The following B4GALT5 variants were observed in gnomAD, a reference collection of about 807,000 sequenced individuals.
B4GALT5 encodes UDP-Gal:beta-GlcNAc beta-1,4-galactosyltransferase 5.
B4GALT5 carries 11 observed loss-of-function variants against 45.0 expected under a neutral mutation model. The observed-to-expected ratio is 0.24, with a 90% CI of 0.15 to 0.40. The LOEUF is 0.40. Ranked by LOEUF, B4GALT5 falls within the 10% of genes least tolerant of loss-of-function variation. The pLI, the probability that B4GALT5 is intolerant of heterozygous loss-of-function variation, is 1.00. For missense variants in B4GALT5, 337 were observed against 500.2 expected (o/e 0.67, Z 3.11); for synonymous variants, 185 against 182.9 (o/e 1.01, Z -0.09).
intron 2 of B4GALT5, among the ~76,000 whole-genome samples, chr20:49,649,528 A>G (rs2085612483): frequency 6.6e-6 from 1 of 152,080 alleles, no homozygotes; most frequent in African/African-American, 2.4e-5. Context: ...TCCGGTGGGC[A>G]ATGATCACAC....
chr20:49,688,408 C>T (rs539707290), intron 1 of B4GALT5, among the ~76,000 whole-genome samples: 17 of 152,152 alleles, frequency 1.1e-4, no homozygotes, highest in Admixed American at 4.6e-4. Flanking sequence ...GCCAGAACTC[C>T]TGCAGGGTAC....
In B4GALT5 at chr20:49,656,490, A is replaced by G. The variant is rs553450523; in HGVS notation, c.250+78T>C. ...CTTTTACAATGCGCTTTTCCCATTG[A>G]AAATAATTATTGCAACCGAATTTAC... is the stretch of plus-strand genomic sequence containing the variant. On this transcript the variant is annotated intron_variant, in intron 2 of 8. Coordinates refer to ENST00000371711, the MANE Select transcript of B4GALT5 (RefSeq NM_004776.4). 1.1e-5 allele frequency: 17 copies of G among 1,565,018 alleles called. No homozygotes were observed. In the African/African-American group the frequency reaches 1.9e-4, roughly 17 times the overall value.
At chr20:49,696,442 G>A (rs2085839874) in intron 1 of B4GALT5, among the ~76,000 whole-genome samples, 1 of 152,008 alleles carries the variant, frequency 6.6e-6, no homozygotes, top group Admixed American at 6.6e-5. Flanking sequence ...CCACATTATC[G>A]GTAAAGACAG....
At chr20:49,657,734 T>G (rs778342010) in intron 1 of B4GALT5, among the ~76,000 whole-genome samples, 1 of 152,162 alleles carries the variant, frequency 6.6e-6, no homozygotes, top group African/African-American at 2.4e-5. Flanking sequence ...ACATCTGGCC[T>G]TGGGATGTGG....
intron 1 of B4GALT5, among the ~76,000 whole-genome samples, chr20:49,707,511 A>G (rs1005829884): frequency 2.1e-5 from 3 of 145,852 alleles, no homozygotes; most frequent in Admixed American, 1.4e-4. Context: ...TCATGTCAAG[A>G]AAAAAAAAAG....
At chr20:49,656,956 T>C (rs1279676809) in intron 1 of B4GALT5, among the ~76,000 whole-genome samples, 2 of 152,078 alleles carry the variant, frequency 1.3e-5, no homozygotes, top group Non-Finnish European at 2.9e-5. Flanking sequence ...TAAAAAAAAA[T>C]ATATTCCATC....
At chr20:49,638,922 T>C (rs1202327776) in intron 7 of B4GALT5, among the ~76,000 whole-genome samples, 1 of 147,280 alleles carries the variant, frequency 6.8e-6, no homozygotes, top group East Asian at 2.0e-4. Flanking sequence ...CTTAAGATCC[T>C]GTTTACAGAG....
chr20:49,702,048 G>A (rs1385725362), intron 1 of B4GALT5, among the ~76,000 whole-genome samples: 2 of 152,184 alleles, frequency 1.3e-5, no homozygotes, highest in Admixed American at 6.5e-5. Flanking sequence ...CTGGGTGACA[G>A]TAAGATTCCA....
At chr20:49,713,001 T>A (rs1020382704) in intron 1 of B4GALT5, among the ~76,000 whole-genome samples, 2 of 135,262 alleles carry the variant, frequency 1.5e-5, no homozygotes, top group Admixed American at 7.8e-5. Flanking sequence ...TGGAGGTGGA[T>A]GTAATAGGGG....
chr20:49,657,031 T>C (rs2085646454), intron 1 of B4GALT5, among the ~76,000 whole-genome samples: 1 of 152,018 alleles, frequency 6.6e-6, no homozygotes, highest in Non-Finnish European at 1.5e-5. Flanking sequence ...CTTTATGAAT[T>C]AGTTAAAACT....
At chr20:49,661,702 G>A (rs1182281092) in intron 1 of B4GALT5, among the ~76,000 whole-genome samples, 2 of 152,194 alleles carry the variant, frequency 1.3e-5, no homozygotes, top group Non-Finnish European at 2.9e-5. Context: ...TTCAGGCACC[G>A]TACGAGGGCA....
At chr20:49,644,943 AAAG>A (rs1437184860) in intron 3 of B4GALT5, among the ~76,000 whole-genome samples, 1 of 152,216 alleles carries the variant, frequency 6.6e-6, no homozygotes, top group Non-Finnish European at 1.5e-5. Flanking sequence ...AATTTTAAAA[AAAG>A]AAGTGGGGAA....
At chr20:49,704,637 T>A (rs2085876664) in intron 1 of B4GALT5, among the ~76,000 whole-genome samples, 1 of 149,674 alleles carries the variant, frequency 6.7e-6, no homozygotes, top group African/African-American at 2.5e-5. Flanking sequence ...GAGAATGGCG[T>A]GAACCCGGGA....
At chr20:49,668,584 C>T (rs541626617) in intron 1 of B4GALT5, among the ~76,000 whole-genome samples, 1 of 47,284 alleles carries the variant, frequency 2.1e-5, no homozygotes, top group Non-Finnish European at 3.8e-5. Flanking sequence ...AACAACCCTG[C>T]GGAGAATGGG....
rs773214242 is a variant in B4GALT5 at position 49,637,431 on chromosome 20, G to A, written c.929C>T (p.Ala310Val). 9.9e-6 allele frequency: 16 copies of A among 1,613,042 alleles called. No homozygotes were observed. The African/African-American group carries it at 2.0e-4, about 20-fold the overall frequency. The change falls in exon 8 of 9, where the codon GCA becomes GTA. Residue 310 changes from alanine (A) to valine (V), a missense_variant. This residue lies in a region of B4GALT5 where 163 missense variants were observed against 292.8 expected (regional missense o/e 0.56). Transcript: ENST00000371711. Reference protein sequence around the residue: ...DDDLWNRVQNAGYSVSRPEGD... With the variant: ...DDDLWNRVQNVGYSVSRPEGD... ...CTCTGGCCGGCTCACAGAATAGCCT[G>A]CATTCTGTACTCTGTCCAAGACCAA...
intron 1 of B4GALT5, among the ~76,000 whole-genome samples, chr20:49,689,688 A>G (rs1272697764): frequency 6.6e-6 from 1 of 152,184 alleles, no homozygotes; most frequent in Non-Finnish European, 1.5e-5. Flanking sequence ...ATGTTAATTA[A>G]TTAGATTTTT....
chr20:49,649,954 A>C (rs2085614547), intron 2 of B4GALT5, among the ~76,000 whole-genome samples: 1 of 152,182 alleles, frequency 6.6e-6, no homozygotes, highest in Non-Finnish European at 1.5e-5. Context: ...TATTTTCATA[A>C]ACAAATCAAC....
chr20:49,666,484 AAAC>A (rs2085691301), intron 1 of B4GALT5, among the ~76,000 whole-genome samples: 3 of 152,198 alleles, frequency 2.0e-5, no homozygotes, highest in Admixed American at 2.0e-4. Flanking sequence ...AATTCCAGAA[AAAC>A]ACTGGAGCCA....
chr20:49,677,705 C>A (rs1325560262), intron 1 of B4GALT5, among the ~76,000 whole-genome samples: 1 of 152,176 alleles, frequency 6.6e-6, no homozygotes, highest in Non-Finnish European at 1.5e-5. Context: ...AAAATTACAT[C>A]TGTATTTGGC....
Sources: gnomAD v4.1 joint callset for allele counts (sites outside exome capture counted in the v4.1 genomes callset) on GRCh38, gnomAD v4.1.1 for gene constraint, gnomAD v4.1.1 regional missense constraint, MANE v1.5 for transcripts, NCBI Gene and HGNC (gene_info 2026-07-23, HGNC 2026-07-21) for gene names.